The following TUBD1 variants were observed in gnomAD, a reference collection of about 807,000 sequenced individuals.
The protein encoded by TUBD1 is tubulin delta chain.
A neutral mutation model predicts 51.2 loss-of-function variants in TUBD1; 38 were observed. The ratio of observed to expected loss-of-function variants is 0.74; its 90% confidence interval spans 0.57 to 0.97. The LOEUF (loss-of-function observed/expected upper bound fraction) is 0.97, where lower values mean the gene tolerates loss of function less well. TUBD1 is among the 50% of genes least tolerant of loss of function. The pLI, the probability that TUBD1 is intolerant of heterozygous loss-of-function variation, is 0.00. For synonymous variants in TUBD1, 169 were observed against 178.2 expected, an observed-to-expected ratio of 0.95 and a Z score of 0.41; for missense variants, 489 against 538.4, an observed-to-expected ratio of 0.91 and a Z score of 0.91.
At chr17:59,880,811 G>A in intron 4 of TUBD1, 83 bp downstream of exon 4, 1 of 1,341,548 alleles carries the variant, frequency 7.5e-7, no homozygotes, top group Non-Finnish European at 1.1e-6. Flanking sequence ...ACCGCACCTG[G>A]GTGGTGAGAG....
At chr17:59,877,480 T>C (rs1298974538) in intron 5 of TUBD1, among the ~76,000 whole-genome samples, 1 of 152,200 alleles carries the variant, frequency 6.6e-6, no homozygotes, top group Non-Finnish European at 1.5e-5. Flanking sequence ...GTCTGGCTGC[T>C]GTACTTAAGA....
rs775048847 is a variant in TUBD1 at position 59,874,657 on chromosome 17, C to T, written c.816G>A (p.Leu272=). The change falls in exon 6 of 9, where the codon CTG becomes CTA. Residue 272 remains leucine, a synonymous_variant. Coordinates refer to ENST00000325752, the MANE Select transcript of TUBD1 (RefSeq NM_016261.4). ...HLVPHPEFKM[L]SVRNIPHMSE... ...ACATGTGAGGAATGTTACGAACACT[C>T]AGCATCTTGAATTCAGGATGGGGAA... 9 of 1,613,428 alleles carry T rather than the reference C, an allele frequency of 5.6e-6. 1 individual carries two copies. Among genetic ancestry groups the T allele is most frequent in the South Asian group, 5.5e-5 (5 of 90,828 alleles).
At chr17:59,883,252 C>T (rs796205794) in intron 3 of TUBD1, among the ~76,000 whole-genome samples, 2 of 151,776 alleles carry the variant, frequency 1.3e-5, no homozygotes, top group African/African-American at 4.8e-5. Flanking sequence ...CAGGCCACCA[C>T]ACCCATCTAA....
chr17:59,874,402 TG>T, intron 6 of TUBD1, 136 bp downstream of exon 6: 2 of 732,874 alleles, frequency 2.7e-6, no homozygotes, highest in Non-Finnish European at 4.3e-6. Flanking sequence ...TAAGATGTCC[TG>T]GTGAGTTTCT....
At chr17:59,878,827 T>C (rs915501917) in intron 4 of TUBD1, 2 of 157,006 alleles carry the variant, frequency 1.3e-5, no homozygotes, top group Admixed American at 6.1e-5. Flanking sequence ...ATTAATGATA[T>C]AATGCAAGTT....
chr17:59,892,882 T>C lies in TUBD1; in HGVS notation c.-225A>G. 2.7e-6 allele frequency: 1 copy of C among 369,910 alleles called. No homozygotes were observed. Among genetic ancestry groups the C allele is most frequent in the Non-Finnish European group, 5.0e-6 (1 of 199,302 alleles). The allele number at this position is 369,910 out of a possible 1,614,324, so 22.9% of individuals were successfully genotyped here. A position where few individuals can be genotyped will look rare whatever the true frequency, so the allele number is the denominator to read the frequency against. ...ATTAATTACGCATGTTCAATTTCAA[T>C]TTACGAACTTCAGATATGGTACGCA... On this transcript the variant is annotated 5_prime_UTR_variant, in exon 1 of 9. Coordinates refer to ENST00000325752, the MANE Select transcript of TUBD1 (RefSeq NM_016261.4).
At chr17:59,868,461 T>C (rs2039818700) in intron 6 of TUBD1, among the ~76,000 whole-genome samples, 2 of 151,536 alleles carry the variant, frequency 1.3e-5, no homozygotes, top group South Asian at 4.2e-4. Context: ...TTTGAGAGGC[T>C]GAGGTGGAAG....
Position 59,890,919 on chromosome 17 carries a change from G to C in TUBD1, c.84C>G (p.His28Gln). The C allele has an allele frequency of 1.2e-6, 2 of 1,613,950 alleles. No individual in the cohort carries two copies. Among genetic ancestry groups the C allele is most frequent in the South Asian group, 2.2e-5 (2 of 91,072 alleles). Residue 28 changes from histidine to glutamine, a missense_variant, in exon 2 of 9, where the codon CAC becomes CAG. His to Gln is a conservative substitution (Grantham distance 24). Coordinates refer to ENST00000325752, the MANE Select transcript of TUBD1 (RefSeq NM_016261.4). ...EVFDALLSDS[H>Q]SSQGLCSMRE... is the part of the protein sequence containing the mutation. The stretch of plus-strand genomic sequence containing the variant: ...TCATAGAGCAGAGTCCCTGGGAACT[G>C]TGTGAGTCACTAAGCAAAGCATCAA...
Position 59,866,595 on chromosome 17 carries a change from C to T in TUBD1, c.1075+14G>A. ...TACAAAATGTAAATCTTAATTTTCACCTGAATTTCTTACCCACATCTGCAC... is the reference window on the plus strand; with the variant it reads ...TACAAAATGTAAATCTTAATTTTCATCTGAATTTCTTACCCACATCTGCAC... On this transcript the variant is annotated intron_variant, in intron 7 of 8. Coordinates refer to ENST00000325752, the MANE Select transcript of TUBD1 (RefSeq NM_016261.4). 1 of 1,612,028 alleles carries T rather than the reference C, an allele frequency of 6.2e-7. No individual in the cohort carries two copies. Among genetic ancestry groups the T allele is most frequent in the African/African-American group, 1.3e-5 (1 of 74,902 alleles).
chr17:59,885,063 G>A (rs921006834), intron 3 of TUBD1: 11 of 352,406 alleles, frequency 3.1e-5, no homozygotes, highest in African/African-American at 6.5e-5. Context: ...GATGCAAAGG[G>A]CATCCCAGAA....
In TUBD1 at chr17:59,880,998, C is replaced by T. The variant is rs1322040588; in HGVS notation, c.433G>A (p.Gly145Ser). 9.9e-6 allele frequency: 16 copies of T among 1,614,096 alleles called. No individual in the cohort carries two copies. Among genetic ancestry groups the T allele is most frequent in the Non-Finnish European group, 1.4e-5 (16 of 1,179,998 alleles). ...GFFIIMSMAG[G>S]TGSGLGAFVT... ...AAAGCTCCTAATCCTGATCCTGTGC[C>T]CCCAGCCATACTCATTATGATGAAA... Residue 145 changes from glycine to serine, a missense_variant, in exon 4 of 9, where the codon GGC becomes AGC. Coordinates refer to ENST00000325752, the MANE Select transcript of TUBD1 (RefSeq NM_016261.4).
chr17:59,869,223 C>G (rs991935218), intron 6 of TUBD1, among the ~76,000 whole-genome samples: 4 of 151,750 alleles, frequency 2.6e-5, no homozygotes, highest in Admixed American at 6.6e-5. Flanking sequence ...TGCCTATAAT[C>G]CCAGAACTTT....
chr17:59,863,710 G>T lies in TUBD1; in HGVS notation c.1213C>A (p.Pro405Thr). 2 of 1,602,844 alleles carry T rather than the reference G, an allele frequency of 1.2e-6. No individual in the cohort carries two copies. Among genetic ancestry groups the T allele is most frequent in the Non-Finnish European group, 1.7e-6 (2 of 1,176,804 alleles). Reference protein sequence around the residue: ...LVSNSQFLVKPLDMIVGKAWN... With the variant: ...LVSNSQFLVKTLDMIVGKAWN... ...GCCTTCCCAACAATCATATCAAGTG[G>T]TTTTACTAAGAACTGGCTGTTGCTG... The change falls in exon 8 of 9, where the codon CCA becomes ACA. Residue 405 changes from proline (P) to threonine (T), a missense_variant. Physicochemically the swap from Pro to Thr is conservative, Grantham distance 38. Transcript: ENST00000325752.
In TUBD1 at chr17:59,891,040, ACCTGT is replaced by A. The variant is rs1273240600; in HGVS notation, c.-39-4_-39del. The A allele has an allele frequency of 2.6e-6, 4 of 1,543,618 alleles. No individual in the cohort carries two copies. In the Admixed American group the frequency reaches 6.0e-5, roughly 23 times the overall value. On this transcript the variant is annotated splice_acceptor_variant and splice_polypyrimidine_tract_variant and 5_prime_UTR_variant and intron_variant, in exon 2 of 9. Coordinates refer to ENST00000325752, the MANE Select transcript of TUBD1 (RefSeq NM_016261.4). LOFTEE classifies it low-confidence loss of function (5UTR_SPLICE). ...ACTAGGTGTATTACCTCTAAAAACA[ACCTGT>A]AATCGAAAAAAATACGCTTTGAGAA...
chr17:59,885,072 A>C, intron 3 of TUBD1: 1 of 354,268 alleles, frequency 2.8e-6, no homozygotes, highest in Admixed American at 3.7e-5. Flanking sequence ...GGCATCCCAG[A>C]AAGTGGTGCC....
At chr17:59,875,094 T>C (rs1241091144) in intron 5 of TUBD1, among the ~76,000 whole-genome samples, 1 of 115,544 alleles carries the variant, frequency 8.7e-6, no homozygotes, top group Non-Finnish European at 1.9e-5. Flanking sequence ...TTTTTTTTTT[T>C]GGGATGGAGT....
chr17:59,860,427 G>A lies in TUBD1; in HGVS notation c.1260-3C>T. Reference sequence around the variant, plus strand: ...TTGTGTACTGATGAATGTAGGCTCTGGTAGAAAAAAAAAAAAAACAGAAAT... The same window carrying A: ...TTGTGTACTGATGAATGTAGGCTCTAGTAGAAAAAAAAAAAAAACAGAAAT... On this transcript the variant is annotated splice_region_variant and splice_polypyrimidine_tract_variant and intron_variant, in intron 8 of 8. Transcript: ENST00000325752. The A allele has an allele frequency of 1.3e-6, 2 of 1,487,188 alleles. No homozygotes were observed. Among genetic ancestry groups the A allele is most frequent in the East Asian group, 2.3e-5 (1 of 44,054 alleles). The allele number at this position is 1,487,188 out of a possible 1,614,324, so 92.1% of individuals were successfully genotyped here.
chr17:59,861,584 C>A (rs1054522325), intron 8 of TUBD1, among the ~76,000 whole-genome samples: 6 of 152,126 alleles, frequency 3.9e-5, no homozygotes, highest in African/African-American at 1.4e-4. Flanking sequence ...ATAATAATGG[C>A]TGCTACCATT....
intron 5 of TUBD1, among the ~76,000 whole-genome samples, chr17:59,875,919 C>A (rs1314018340): frequency 2.6e-5 from 4 of 152,028 alleles, no homozygotes; most frequent in Non-Finnish European, 5.9e-5. Flanking sequence ...ATAGAAAATA[C>A]CTTGAGGATA....
Sources: allele counts gnomAD v4.1 joint callset (sites outside exome capture counted in the v4.1 genomes callset), GRCh38; gene constraint gnomAD v4.1.1; transcripts MANE v1.5; gene names NCBI Gene and HGNC (gene_info 2026-07-23, HGNC 2026-07-21).